The following ADAM12 variants were observed in gnomAD, a reference collection of about 807,000 sequenced individuals.
The protein encoded by ADAM12 is ADAM metallopeptidase domain 12.
In ADAM12, 70 loss-of-function variants were observed where a neutral mutation model predicts 106.4. That is an observed-to-expected ratio of 0.66 (90% confidence interval 0.54 to 0.80). The LOEUF is 0.80. Among genes scored for constraint, ADAM12 ranks in the 30% least tolerant of loss-of-function variants. The probability of loss-of-function intolerance (pLI) is 0.00; values close to 1 mark genes in which losing one functional copy is unlikely to be tolerated. For missense variants in ADAM12, 1,010 were observed against 1,171.9 expected (o/e 0.86, Z 2.02); for synonymous variants, 420 against 433.5 (o/e 0.97, Z 0.39).
At chr10:126,331,925 T>C (rs540890775) in intron 1 of ADAM12, among the ~76,000 whole-genome samples, 47 of 152,208 alleles carry the variant, frequency 3.1e-4, no homozygotes, top group Non-Finnish European at 4.9e-4. Flanking sequence ...ATGGGAAGCA[T>C]CAGAAGTCCT....
chr10:126,337,224 C>T (rs1447036106), intron 1 of ADAM12, among the ~76,000 whole-genome samples: 1 of 152,200 alleles, frequency 6.6e-6, no homozygotes, highest in Non-Finnish European at 1.5e-5. Flanking sequence ...GTGCAGCCTT[C>T]AGTCTGCAGC....
At position 126,094,116 on chromosome 10, in the gene ADAM12, G is replaced by A; in HGVS notation, c.1014C>T (p.Pro338=). 1 of 1,614,038 alleles carries A rather than the reference G, an allele frequency of 6.2e-7. No homozygotes were observed. Among genetic ancestry groups the A allele is most frequent in the East Asian group, 2.2e-5 (1 of 44,876 alleles). The change falls in exon 11 of 23, where the codon CCC becomes CCT. Residue 338 remains proline (P), a synonymous_variant. Transcript: ENST00000448723. The stretch of plus-strand genomic sequence containing the variant: ...GTGCCAGGGTCACGGCTGCACCAAG[G>A]GGATTGTCTGAATGGTCCTCAAAGA... ...GGIVMDHSDN[P]LGAAVTLAHE...
chr10:126,248,681 G>T (rs201946569), intron 3 of ADAM12, among the ~76,000 whole-genome samples: 14 of 31,782 alleles, frequency 4.4e-4, no homozygotes, highest in African/African-American at 2.7e-3. Context: ...ATGTATGTAT[G>T]TATGTATTTA....
intron 1 of ADAM12, among the ~76,000 whole-genome samples, chr10:126,371,365 T>C (rs563415297): frequency 1.1e-4 from 17 of 152,378 alleles, no homozygotes; most frequent in African/African-American, 4.1e-4. Context: ...TGTCTGATCA[T>C]GCACTGAACT....
At chr10:126,295,879 T>G (rs1231930093) in intron 2 of ADAM12, among the ~76,000 whole-genome samples, 1 of 149,378 alleles carries the variant, frequency 6.7e-6, no homozygotes, top group Non-Finnish European at 1.5e-5. Context: ...ACCACTGTCA[T>G]GAAGTATCGA....
rs1958875829 is a variant in ADAM12 at position 126,255,637 on chromosome 10, A to ACTT, written c.260+23275_260+23277dup. Among the ~76,000 whole-genome samples the ACTT allele has an allele frequency of 3.3e-5, 5 of 152,152 alleles. No individual in the cohort carries two copies. In the South Asian group the frequency reaches 1.0e-3, roughly 32 times the overall value. On this transcript the variant is annotated intron_variant, in intron 3 of 22. Transcript: ENST00000448723. Reference sequence around the variant, plus strand: ...TCGCTTTATACTAATATCAAAACACACTTCCTCCTGCCCACGGAGGGTCCC... The same window carrying ACTT: ...TCGCTTTATACTAATATCAAAACACACTTCTTCCTCCTGCCCACGGAGGGTCCC...
intron 1 of ADAM12, among the ~76,000 whole-genome samples, chr10:126,331,871 ACC>A (rs1431372282): frequency 6.6e-6 from 1 of 152,050 alleles, no homozygotes; most frequent in Non-Finnish European, 1.5e-5. Flanking sequence ...TATCTGTGAC[ACC>A]CGTGAACGGC....
At chr10:126,093,147 T>G (rs1157581846) in intron 11 of ADAM12, among the ~76,000 whole-genome samples, 2 of 152,186 alleles carry the variant, frequency 1.3e-5, no homozygotes, top group East Asian at 3.9e-4. Flanking sequence ...TCATAAGGTT[T>G]CAAGGTATAA....
chr10:126,295,734 C>T (rs1960346776), intron 2 of ADAM12, among the ~76,000 whole-genome samples: 1 of 152,084 alleles, frequency 6.6e-6, no homozygotes, highest in Non-Finnish European at 1.5e-5. Context: ...CTTTTGTCCC[C>T]AATATGCCTG....
intron 14 of ADAM12, among the ~76,000 whole-genome samples, chr10:126,052,666 G>C (rs1359542449): frequency 6.6e-6 from 1 of 152,146 alleles, no homozygotes; most frequent in Admixed American, 6.5e-5. Flanking sequence ...AAGAGAGGAA[G>C]GGGGAGAGAG....
intron 11 of ADAM12, among the ~76,000 whole-genome samples, chr10:126,087,168 C>G (rs57067837): frequency 1.3e-5 from 2 of 152,172 alleles, no homozygotes; most frequent in East Asian, 1.9e-4. Flanking sequence ...AGCTTGACCT[C>G]TATTTTGTGT....
intron 6 of ADAM12, among the ~76,000 whole-genome samples, chr10:126,116,705 A>T (rs547867820): frequency 6.6e-6 from 1 of 152,080 alleles, no homozygotes; most frequent in African/African-American, 2.4e-5. Flanking sequence ...TAGCAAACAG[A>T]AGACGTGAGG....
At chr10:126,189,730 GGA>G (rs1957462817) in intron 3 of ADAM12, among the ~76,000 whole-genome samples, 1 of 152,080 alleles carries the variant, frequency 6.6e-6, no homozygotes, top group South Asian at 2.1e-4. Flanking sequence ...GGCTTGCTGT[GGA>G]GCCCATGCTT....
At chr10:126,047,513 G>A (rs1954359215) in intron 16 of ADAM12, among the ~76,000 whole-genome samples, 1 of 152,172 alleles carries the variant, frequency 6.6e-6, no homozygotes, top group South Asian at 2.1e-4. Flanking sequence ...CTTGAACGTG[G>A]AAAACAAATT....
intron 3 of ADAM12, among the ~76,000 whole-genome samples, chr10:126,252,115 G>GGGAT (rs199836391): frequency 1.1e-5 from 1 of 94,266 alleles, no homozygotes; most frequent in Admixed American, 9.3e-5. Context: ...ATGGATGGAT[G>GGGAT]GGATGGATGG....
chr10:126,130,682 G>T (rs1233836993), intron 5 of ADAM12, among the ~76,000 whole-genome samples: 1 of 152,210 alleles, frequency 6.6e-6, no homozygotes, highest in African/African-American at 2.4e-5. Flanking sequence ...CTGCACCTTT[G>T]TGGGAGGCTG....
intron 3 of ADAM12, among the ~76,000 whole-genome samples, chr10:126,260,547 C>A (rs1251307834): frequency 1.8e-5 from 2 of 108,390 alleles, no homozygotes; most frequent in Non-Finnish European, 4.0e-5. Flanking sequence ...TGTTTACAGG[C>A]AAGCAGGTCC....
At chr10:126,048,351 G>T (rs2133434244) in intron 16 of ADAM12, among the ~76,000 whole-genome samples, 1 of 152,192 alleles carries the variant, frequency 6.6e-6, no homozygotes, top group Middle Eastern at 3.4e-3. Context: ...TAATGTCAAG[G>T]CCTGAATATG....
At chr10:126,223,993 G>A (rs1233334145) in intron 3 of ADAM12, among the ~76,000 whole-genome samples, 1 of 152,184 alleles carries the variant, frequency 6.6e-6, no homozygotes, top group African/African-American at 2.4e-5. Context: ...CCCATAAAAC[G>A]TGGGACTTGG....
Sources: allele counts gnomAD v4.1 joint callset (sites outside exome capture counted in the v4.1 genomes callset), GRCh38; gene constraint gnomAD v4.1.1; transcripts MANE v1.5; gene names NCBI Gene and HGNC (gene_info 2026-07-23, HGNC 2026-07-21).